COMT: variants seen among roughly 807,000 people sequenced by gnomAD.
COMT encodes catechol-O-methyltransferase, also known as catechol O-methyltransferase.
Under a neutral mutation model 18.9 loss-of-function variants are expected in COMT, and 13 were observed. That is an observed-to-expected ratio of 0.69 (90% CI 0.45 to 1.09). The LOEUF (loss-of-function observed/expected upper bound fraction) is 1.09. Ranked by LOEUF, COMT falls within the 50% of genes least tolerant of loss-of-function variation. COMT has a pLI of 0.00. For missense variants in COMT, 329 were observed against 361.8 expected, an observed-to-expected ratio of 0.91 and a Z score of 0.73; for synonymous variants, 150 against 160.9, an observed-to-expected ratio of 0.93 and a Z score of 0.51.
At position 19,953,318 on chromosome 22, in the gene COMT, T is replaced by G. The variant is rs148796968; in HGVS notation, c.-91-7881T>G. 2.7e-3 allele frequency among the ~76,000 whole-genome samples: 414 copies of G among 152,058 alleles called. 10 individuals carry two copies. In the East Asian group the frequency reaches 0.052, roughly 19 times the overall value. On this transcript the variant is annotated intron_variant, in intron 1 of 5. Coordinates refer to ENST00000361682, the MANE Select transcript of COMT (RefSeq NM_000754.4). Reference sequence around the variant, plus strand: ...TTGTTGTTGTTTTTTTGAGACAGAGTCTCGCTCTGTTGCCCAGGCTGGAGT... The same window carrying G: ...TTGTTGTTGTTTTTTTGAGACAGAGGCTCGCTCTGTTGCCCAGGCTGGAGT...
intron 5 of COMT, among the ~76,000 whole-genome samples, 173 bp from the exon 6 acceptor site, chr22:19,968,363 C>A (rs1942537516): frequency 6.6e-6 from 1 of 152,200 alleles, no homozygotes; most frequent in African/African-American, 2.4e-5. Context: ...GCACCCAAGT[C>A]TTGTACAGTC....
chr22:19,964,325 G>A (rs762599605), intron 5 of COMT, 26 bp downstream of exon 5: 46 of 1,613,558 alleles, frequency 2.9e-5, no homozygotes, highest in Middle Eastern at 1.6e-4. Context: ...GATGGCATCC[G>A]TGCCAGCTGC....
intron 2 of COMT, 107 bp from the exon 3 acceptor site, chr22:19,962,420 C>T (rs1328347238): frequency 5.3e-6 from 8 of 1,508,754 alleles, no homozygotes; most frequent in African/African-American, 1.4e-5. Context: ...CTGAACCTTG[C>T]CCCTCTGCAA....
intron 1 of COMT, among the ~76,000 whole-genome samples, chr22:19,945,973 G>C (rs1457847085): frequency 6.6e-6 from 1 of 152,102 alleles, no homozygotes; most frequent in African/African-American, 2.4e-5. Context: ...CCGGGGAAAG[G>C]TTTCTTTTTT....
At chr22:19,962,883 C>T (rs779175593) in intron 3 of COMT, 68 bp downstream of exon 3, 462 of 1,539,594 alleles carry the variant, frequency 3.0e-4, no homozygotes, top group Non-Finnish European at 3.9e-4. Flanking sequence ...AAAGCCCTTA[C>T]AGGAGAAGCT....
chr22:19,950,380 G>C (rs959446148), intron 1 of COMT, among the ~76,000 whole-genome samples: 2 of 151,196 alleles, frequency 1.3e-5, no homozygotes, highest in Non-Finnish European at 2.9e-5. Context: ...CCACCACCCA[G>C]CCCTATTTTA....
intron 1 of COMT, among the ~76,000 whole-genome samples, chr22:19,949,432 C>T (rs577949606): frequency 9.8e-5 from 15 of 152,288 alleles, no homozygotes; most frequent in Middle Eastern, 3.4e-3. Context: ...GACAAAATTA[C>T]ATCCCTTTCT....
chr22:19,942,574 CT>C (rs1250557911), intron 1 of COMT, among the ~76,000 whole-genome samples: 2 of 152,158 alleles, frequency 1.3e-5, no homozygotes, highest in African/African-American at 4.8e-5. Context: ...AACAGACCTG[CT>C]TTTTGGATTT....
At chr22:19,944,691 G>A (rs1195383205) in intron 1 of COMT, among the ~76,000 whole-genome samples, 1 of 151,584 alleles carries the variant, frequency 6.6e-6, no homozygotes, top group African/African-American at 2.4e-5. Flanking sequence ...GCGTGGTGGC[G>A]GGCACCTGTA....
In COMT at chr22:19,969,111, G is replaced by A. The variant is rs138918504; in HGVS notation, c.*375G>A. On this transcript the variant is annotated 3_prime_UTR_variant, in exon 6 of 6. Coordinates refer to ENST00000361682, the MANE Select transcript of COMT (RefSeq NM_000754.4). ...CCAAACATTCAAAGCTCCCCTTGAC[G>A]GACGCTAACGCTAAGGGCGGGGCCC... 1.4e-4 allele frequency: 32 copies of A among 228,640 alleles called. No homozygotes were observed. The East Asian group carries it at 3.8e-3, about 27-fold the overall frequency. The allele number at this position is 228,640 out of a possible 1,614,324, so 14.2% of individuals were successfully genotyped here. A position where few individuals can be genotyped will look rare whatever the true frequency, so the allele number is the denominator to read the frequency against.
At chr22:19,966,235 G>A (rs1422348042) in intron 5 of COMT, among the ~76,000 whole-genome samples, 1 of 152,164 alleles carries the variant, frequency 6.6e-6, no homozygotes, top group Non-Finnish European at 1.5e-5. Flanking sequence ...CCCTTGTGGA[G>A]GGTTAGGGGA....
chr22:19,957,839 C>CA (rs1278355242), intron 1 of COMT, among the ~76,000 whole-genome samples: 1 of 152,226 alleles, frequency 6.6e-6, no homozygotes, highest in Non-Finnish European at 1.5e-5. Flanking sequence ...GCAGAAGGTT[C>CA]ATCCATTTTG....
intron 3 of COMT, 113 bp from the exon 4 acceptor site, chr22:19,963,453 G>T (rs1046791132): frequency 7.8e-7 from 1 of 1,275,170 alleles, no homozygotes. Context: ...CCAGCGGCCA[G>T]GCATTTGGGA....
At chr22:19,956,697 G>A (rs1346430841) in intron 1 of COMT, among the ~76,000 whole-genome samples, 3 of 151,598 alleles carry the variant, frequency 2.0e-5, no homozygotes, top group South Asian at 2.1e-4. Flanking sequence ...TATCTTTTAC[G>A]GATTTTTTAA....
chr22:19,956,144 T>C (rs1273428474), intron 1 of COMT, among the ~76,000 whole-genome samples: 17 of 120,460 alleles, frequency 1.4e-4, no homozygotes, highest in East Asian at 1.4e-3. Context: ...TTTCTTTTTT[T>C]TTTTTTTTTT....
chr22:19,962,504 G>C (rs749158838), intron 2 of COMT, 23 bp from the exon 3 acceptor site: 1 of 1,541,978 alleles, frequency 6.5e-7, no homozygotes, highest in Non-Finnish European at 8.7e-7. Flanking sequence ...GAGCACTGGC[G>C]CCCCTCCCCT....
At position 19,962,805 on chromosome 22, in the gene COMT, C is replaced by T. The variant is rs768254194; in HGVS notation, c.279C>T (p.Gly93=). ...CEQKEWAMNV[G]DKKGKIVDAV... is the part of the protein sequence containing the mutation. The stretch of plus-strand genomic sequence containing the variant: ...AGAAGGAGTGGGCCATGAACGTGGG[C>T]GACAAGAAAGGTGGGGTCCGGGCCA... Residue 93 remains glycine, a synonymous_variant, in exon 3 of 6, where the codon GGC becomes GGT. Coordinates refer to ENST00000361682, the MANE Select transcript of COMT (RefSeq NM_000754.4). 15 of 1,603,580 alleles carry T rather than the reference C, an allele frequency of 9.4e-6. No homozygotes were observed. Among genetic ancestry groups the T allele is most frequent in the Middle Eastern group, 1.7e-4 (1 of 6,034 alleles).
At chr22:19,958,575 TA>T (rs361574) in intron 1 of COMT, among the ~76,000 whole-genome samples, 60,024 of 121,262 alleles carry the variant, frequency 0.49, 14,475 homozygotes, top group Non-Finnish European at 0.56. Context: ...TTATTTTCCT[TA>T]AAAAAAAAAA....
At chr22:19,955,564 C>A (rs1460774920) in intron 1 of COMT, among the ~76,000 whole-genome samples, 1 of 152,248 alleles carries the variant, frequency 6.6e-6, no homozygotes, top group Non-Finnish European at 1.5e-5. Context: ...CTGCAGCCCC[C>A]GTGGGGGACC....
Sources: allele counts gnomAD v4.1 joint callset (sites outside exome capture counted in the v4.1 genomes callset), GRCh38; gene constraint gnomAD v4.1.1; transcripts MANE v1.5; gene names NCBI Gene and HGNC (gene_info 2026-07-23, HGNC 2026-07-21).